The following MGST1 variants were observed in gnomAD, a reference collection of about 807,000 sequenced individuals.
MGST1 encodes glutathione S-transferase 12.
MGST1 carries 5 observed loss-of-function variants against 8.9 expected under a neutral mutation model. That is an observed-to-expected ratio of 0.56 (90% CI 0.29 to 1.19). The LOEUF is 1.19. Among genes scored for constraint, MGST1 ranks in the 50% most tolerant of loss-of-function variants. The pLI is 0.08. For synonymous variants in MGST1, 54 were observed against 67.8 expected (o/e 0.80, Z 1.00); for missense variants, 182 against 187.4 (o/e 0.97, Z 0.17).
At position 16,363,050 on chromosome 12, in the gene MGST1, G is replaced by A. The variant is rs1940071117; in HGVS notation, c.222-745G>A. 1 of 152,208 alleles carries A rather than the reference G, an allele frequency of 6.6e-6. No homozygotes were observed. Among genetic ancestry groups the A allele is most frequent in the Non-Finnish European group, 1.5e-5 (1 of 68,032 alleles). The allele number at this position is 152,208 out of a possible 1,614,324, so 9.4% of individuals were successfully genotyped here. A position where few individuals can be genotyped will look rare whatever the true frequency, so the allele number is the denominator to read the frequency against. Reference sequence around the variant, plus strand: ...AGATGCCACGGTTTGGAGCAAAACTGTGGCTAAAACATGCTTTTTGTTTTC... The same window carrying A: ...AGATGCCACGGTTTGGAGCAAAACTATGGCTAAAACATGCTTTTTGTTTTC... On this transcript the variant is annotated intron_variant, in intron 3 of 3. Coordinates refer to ENST00000396210, the MANE Select transcript of MGST1 (RefSeq NM_020300.5). The surrounding 1 kb of genome is among the most constrained non-coding windows in gnomAD (Gnocchi z 4.6).
intron 4 of MGST1, among the ~76,000 whole-genome samples, chr12:16,580,988 CTATTT>C (rs1565499246): frequency 6.6e-6 from 1 of 152,128 alleles, no homozygotes; most frequent in Non-Finnish European, 1.5e-5. Context: ...GTTTGTTGTG[CTATTT>C]TATAACTAAT....
intron 4 of MGST1, among the ~76,000 whole-genome samples, chr12:16,450,501 A>G (rs1351086704): frequency 6.6e-6 from 1 of 151,998 alleles, no homozygotes; most frequent in Non-Finnish European, 1.5e-5. Context: ...AGCCTTGATA[A>G]CAGTCAGAAG....
chr12:16,549,629 T>A (rs369853968), intron 4 of MGST1: 2 of 152,430 alleles, frequency 1.3e-5, no homozygotes, highest in African/African-American at 4.8e-5. Context: ...ATACAAGTGA[T>A]CAAGAAAAAA....
downstream of MGST1, among the ~76,000 whole-genome samples, chr12:16,381,103 T>C (rs1002481270): frequency 2.0e-5 from 3 of 152,216 alleles, no homozygotes; most frequent in Non-Finnish European, 4.4e-5. Context: ...AATTTGCCGG[T>C]CTGTGTCTTT....
At chr12:16,449,047 T>TA (rs773673773) in intron 4 of MGST1, among the ~76,000 whole-genome samples, 10 of 151,974 alleles carry the variant, frequency 6.6e-5, no homozygotes, top group Non-Finnish European at 1.2e-4. Context: ...TATGCAGTCT[T>TA]ACGTTGAACT....
At chr12:16,447,183 G>A (rs534698365) in intron 4 of MGST1, among the ~76,000 whole-genome samples, 4 of 151,974 alleles carry the variant, frequency 2.6e-5, no homozygotes, top group South Asian at 2.1e-4. Context: ...TATCCTGAGA[G>A]GATGGCTCTA....
At chr12:16,571,439 T>G (rs1353443885) in intron 4 of MGST1, among the ~76,000 whole-genome samples, 1 of 152,112 alleles carries the variant, frequency 6.6e-6, no homozygotes, top group Non-Finnish European at 1.5e-5. Flanking sequence ...TTTCAAATTC[T>G]TTAAGAAGGT....
intron 4 of MGST1, among the ~76,000 whole-genome samples, chr12:16,534,709 A>C (rs1167079184): frequency 2.0e-5 from 3 of 152,208 alleles, no homozygotes; most frequent in Non-Finnish European, 4.4e-5. Context: ...TTTTTAAAAA[A>C]TGTGAGATAG....
chr12:16,431,867 G>A (rs1940942163), intron 1 of MGST1, among the ~76,000 whole-genome samples: 1 of 152,092 alleles, frequency 6.6e-6, no homozygotes, highest in African/African-American at 2.4e-5. Flanking sequence ...TATCTGTGAA[G>A]CTCAATAAAG....
At chr12:16,453,216 G>A (rs1223826417) in intron 4 of MGST1, among the ~76,000 whole-genome samples, 1 of 151,888 alleles carries the variant, frequency 6.6e-6, no homozygotes, top group Non-Finnish European at 1.5e-5. Flanking sequence ...ACTGAGAGAG[G>A]CAATGTGGAG....
At chr12:16,428,974 T>C (rs1194328723) in intron 1 of MGST1, among the ~76,000 whole-genome samples, 2 of 152,122 alleles carry the variant, frequency 1.3e-5, no homozygotes, top group Non-Finnish European at 2.9e-5. Context: ...GGGCTAATAT[T>C]GTCTACAATT....
Position 16,359,893 on chromosome 12 carries a change from CCTA to C in MGST1, c.221+2198_221+2200del, listed in dbSNP as rs4149214. Among the ~76,000 whole-genome samples, 277 of 152,296 alleles carry C rather than the reference CCTA, an allele frequency of 1.8e-3. 2 individuals carry two copies. The East Asian group carries it at 0.043, about 24-fold the overall frequency. On this transcript the variant is annotated intron_variant, in intron 3 of 3. Transcript: ENST00000396210. ...TTTATTTGGGGATTTTAGATTCCTC[CCTA>C]CTATTCTTTCCGACCTTCCACCCTT...
At chr12:16,451,899 T>G (rs1941132308) in intron 4 of MGST1, among the ~76,000 whole-genome samples, 1 of 151,884 alleles carries the variant, frequency 6.6e-6, no homozygotes, top group Non-Finnish European at 1.5e-5. Context: ...GTTTTCCATC[T>G]TAGTGTAGGA....
upstream of MGST1, among the ~76,000 whole-genome samples, chr12:16,382,485 T>C (rs1472738661): frequency 1.3e-5 from 2 of 152,112 alleles, no homozygotes; most frequent in African/African-American, 4.8e-5. Flanking sequence ...TGCTGCCTGA[T>C]CGTTCCTCTG....
At chr12:16,484,097 A>G (rs1941383034) in intron 4 of MGST1, among the ~76,000 whole-genome samples, 1 of 152,322 alleles carries the variant, frequency 6.6e-6, no homozygotes, top group Admixed American at 6.5e-5. Context: ...AAGCAAAAAT[A>G]ACCCTTGTCA....
chr12:16,514,660 T>C (rs575447127), intron 4 of MGST1, among the ~76,000 whole-genome samples: 2 of 150,168 alleles, frequency 1.3e-5, no homozygotes, highest in African/African-American at 4.8e-5. Flanking sequence ...ATTCACCAGG[T>C]CACCAAGTAA....
At chr12:16,579,079 G>C (rs1032801991) in intron 4 of MGST1, among the ~76,000 whole-genome samples, 1 of 152,012 alleles carries the variant, frequency 6.6e-6, no homozygotes, top group Non-Finnish European at 1.5e-5. Flanking sequence ...CTAGAGCTTA[G>C]TTTTTTAAAA....
At chr12:16,406,746 A>G (rs1334689111) in intron 1 of MGST1, among the ~76,000 whole-genome samples, 2 of 152,192 alleles carry the variant, frequency 1.3e-5, no homozygotes, top group Non-Finnish European at 2.9e-5. Flanking sequence ...ACCCAGAAAT[A>G]AAGCTGCACG....
rs191547938 is a variant in MGST1, at chr12:16,358,679, G to T, written c.221+980G>T. ...GGCTGGGTTTCACCATGTTGGCCAG[G>T]TTGGTCTCGAACTCCTGACCTCAGG... On this transcript the variant is annotated intron_variant, in intron 3 of 3. Transcript: ENST00000396210. 1.8e-3 allele frequency among the ~76,000 whole-genome samples: 276 copies of T among 151,472 alleles called. 1 individual carries two copies. The highest frequency in any genetic ancestry group is 6.5e-3 in the African/African-American group (269 of 41,282).
Sources: gnomAD v4.1 joint callset for allele counts (sites outside exome capture counted in the v4.1 genomes callset) on GRCh38, gnomAD v4.1.1 for gene constraint, Gnocchi (gnomAD v3.1) non-coding constraint, MANE v1.5 for transcripts, NCBI Gene and HGNC (gene_info 2026-07-23, HGNC 2026-07-21) for gene names.